The following CYB5D2 variants were observed in gnomAD, a reference collection of about 807,000 sequenced individuals.
The protein encoded by CYB5D2 is neuferricin.
Under a neutral mutation model 22.8 loss-of-function variants are expected in CYB5D2, and 23 were observed. That is an observed-to-expected ratio of 1.01 (90% CI 0.73 to 1.43). The LOEUF (loss-of-function observed/expected upper bound fraction) is 1.43. Among genes scored for constraint, CYB5D2 ranks in the 40% most tolerant of loss-of-function variants. CYB5D2 has a pLI of 0.00. For synonymous variants in CYB5D2, 170 were observed against 152.2 expected (o/e 1.12, Z -0.86); for missense variants, 373 against 357.2 (o/e 1.04, Z -0.36).
chr17:4,153,952 G>A (rs2059085262), intron 2 of CYB5D2, among the ~76,000 whole-genome samples: 2 of 152,188 alleles, frequency 1.3e-5, no homozygotes, highest in African/African-American at 4.8e-5. Flanking sequence ...CTCCCTCTTC[G>A]GTCGCACCTC....
At chr17:4,148,234 A>C (rs2059014143) in intron 1 of CYB5D2, among the ~76,000 whole-genome samples, 1 of 143,550 alleles carries the variant, frequency 7.0e-6, no homozygotes, top group Non-Finnish European at 1.5e-5. Flanking sequence ...TAGGAACTGC[A>C]GGCTGGGCAT....
chr17:4,145,118 C>CA (rs2142992706), intron 1 of CYB5D2, among the ~76,000 whole-genome samples: 1 of 152,228 alleles, frequency 6.6e-6, no homozygotes, highest in South Asian at 2.1e-4. Context: ...GTTGCCTTGC[C>CA]AGCCAGCGGG....
At chr17:4,146,133 T>C (rs1380376462) in intron 1 of CYB5D2, among the ~76,000 whole-genome samples, 1 of 152,240 alleles carries the variant, frequency 6.6e-6, no homozygotes, top group Non-Finnish European at 1.5e-5. Context: ...ACTGGTTCTT[T>C]AGCCCAGGCT....
At chr17:4,154,226 G>T (rs1018545901) in intron 2 of CYB5D2, among the ~76,000 whole-genome samples, 2 of 152,216 alleles carry the variant, frequency 1.3e-5, no homozygotes, top group Non-Finnish European at 2.9e-5. Flanking sequence ...TGGGAGGATT[G>T]CTTGAGCCCA....
intron 1 of CYB5D2, among the ~76,000 whole-genome samples, chr17:4,145,974 TTTTTTGTAGAGATGGG>T (rs2058986270): frequency 6.6e-6 from 1 of 152,194 alleles, no homozygotes; most frequent in Non-Finnish European, 1.5e-5. Flanking sequence ...AATTTTTGTA[TTTTTTGTAGAGATGGG>T]TTTTCGCCAT....
Position 4,154,551 on chromosome 17 carries a change from A to C in CYB5D2, c.392-123A>C, listed in dbSNP as rs1031711672. The C allele has an allele frequency of 7.1e-6, 8 of 1,123,186 alleles. No homozygotes were observed. The East Asian group carries it at 1.8e-4, about 25-fold the overall frequency. 69.6% of individuals were successfully genotyped at this position (1,123,186 alleles called of 1,614,324 possible). ...AGGCACCAGGAGTGCCTGCAGTAGA[A>C]GTTCTTATTAAACGCGCACCAGCAG... is the stretch of plus-strand genomic sequence containing the variant. On this transcript the variant is annotated intron_variant, in intron 2 of 3. Transcript: ENST00000301391.
chr17:4,152,100 C>T (rs912415037), intron 2 of CYB5D2, among the ~76,000 whole-genome samples: 1 of 151,762 alleles, frequency 6.6e-6, no homozygotes, highest in East Asian at 1.9e-4. Context: ...TGGAAGTGTT[C>T]GGATGCGTTT....
Position 4,143,843 on chromosome 17 carries a change from G to T in CYB5D2, c.88G>T (p.Gly30Cys). Residue 30 changes from glycine (G) to cysteine (C), a missense_variant, in exon 1 of 4, where the codon GGT becomes TGT. Transcript: ENST00000301391. ...GGCAGCACGGCTTATGGGCTGGTGG[G>T]GTCCCCGCGCTGGCTTTCGCCTTTT... ...VMAARLMGWW[G>C]PRAGFRLFIP... 1 of 1,614,132 alleles carries T rather than the reference G, an allele frequency of 6.2e-7. No homozygotes were observed. The highest frequency in any genetic ancestry group is 8.5e-7 in the Non-Finnish European group (1 of 1,180,006).
At chr17:4,144,096 C>A in intron 1 of CYB5D2, 91 bp downstream of exon 1, 1 of 1,255,468 alleles carries the variant, frequency 8.0e-7, no homozygotes, top group Non-Finnish European at 1.1e-6. Flanking sequence ...TCATCTATTT[C>A]CCCCCCCATC....
At chr17:4,152,742 G>C (rs1308419935) in intron 2 of CYB5D2, among the ~76,000 whole-genome samples, 1 of 152,178 alleles carries the variant, frequency 6.6e-6, no homozygotes, top group Non-Finnish European at 1.5e-5. Context: ...CATCTAATAA[G>C]TATTTAAAAT....
In CYB5D2 at chr17:4,143,690, C is replaced by G; in HGVS notation, c.-66C>G. 1 of 1,527,234 alleles carries G rather than the reference C, an allele frequency of 6.5e-7. No homozygotes were observed. Among genetic ancestry groups the G allele is most frequent in the South Asian group, 1.3e-5 (1 of 77,986 alleles). 94.6% of individuals were successfully genotyped at this position (1,527,234 alleles called of 1,614,324 possible). On this transcript the variant is annotated 5_prime_UTR_variant, in exon 1 of 4. Coordinates refer to ENST00000301391, the MANE Select transcript of CYB5D2 (RefSeq NM_144611.4). ...GCGCCGATGACGTCACGCTCGGCGTCTCGGCCATCTTAGCTGTAGATAGAG... is the reference window on the plus strand; with the variant it reads ...GCGCCGATGACGTCACGCTCGGCGTGTCGGCCATCTTAGCTGTAGATAGAG...
chr17:4,146,127 G>C (rs2058987990), intron 1 of CYB5D2, among the ~76,000 whole-genome samples: 1 of 151,916 alleles, frequency 6.6e-6, no homozygotes, highest in East Asian at 1.9e-4. Context: ...AGATAAACTG[G>C]TTCTTTAGCC....
rs536768201 is a variant in CYB5D2, at chr17:4,149,171, G to T, written c.251-720G>T. ...TAAGTGTTGTTGGATATACAGGTGTGAGCCTTGGGAGACATCTGAGCTAAA... is the reference window on the plus strand; with the variant it reads ...TAAGTGTTGTTGGATATACAGGTGTTAGCCTTGGGAGACATCTGAGCTAAA... On this transcript the variant is annotated intron_variant, in intron 1 of 3. Coordinates refer to ENST00000301391, the MANE Select transcript of CYB5D2 (RefSeq NM_144611.4). Among the ~76,000 whole-genome samples the T allele has an allele frequency of 2.0e-5, 3 of 152,308 alleles. No homozygotes were observed. The East Asian group carries it at 5.8e-4, about 29-fold the overall frequency.
rs748668074 is a variant in CYB5D2 at position 4,156,917 on chromosome 17, A to T, written c.630A>T (p.Pro210=). The change falls in exon 4 of 4, where the codon CCA becomes CCT. Residue 210 remains proline, a synonymous_variant. Transcript: ENST00000301391. ...WIGVPRKLYK[P]GAKEPRCVCV... is the part of the protein sequence containing the mutation. ...GCGTCCCCAGGAAGCTGTATAAGCC[A>T]GGTGCTAAGGAGCCCCGCTGCGTGT... 2 of 1,612,698 alleles carry T rather than the reference A, an allele frequency of 1.2e-6. No homozygotes were observed.
intron 1 of CYB5D2, among the ~76,000 whole-genome samples, chr17:4,145,444 G>T (rs1170211623): frequency 6.6e-6 from 1 of 152,228 alleles, no homozygotes; most frequent in African/African-American, 2.4e-5. Context: ...TTTTGTCGCT[G>T]CTAGTTGAAG....
intron 2 of CYB5D2, among the ~76,000 whole-genome samples, chr17:4,151,448 G>T (rs2059056497): frequency 6.6e-6 from 1 of 152,206 alleles, no homozygotes; most frequent in Admixed American, 6.5e-5. Flanking sequence ...ACTTTGGGAG[G>T]CCGAGGTGGG....
Position 4,157,147 on chromosome 17 carries a change from A to G in CYB5D2, c.*65A>G. 3 of 1,554,424 alleles carry G rather than the reference A, an allele frequency of 1.9e-6. No homozygotes were observed. The highest frequency in any genetic ancestry group is 2.6e-6 in the Non-Finnish European group (3 of 1,140,002). ...CCAAGCACCTGAGTAGGCCCTTGAC[A>G]CTTGTGTGCCCTGGGATGCCTCCTG... On this transcript the variant is annotated 3_prime_UTR_variant, in exon 4 of 4. Transcript: ENST00000301391. This position sits in a 1 kb window ranked among gnomAD's most constrained non-coding sequence, Gnocchi z 4.4.
In CYB5D2 at chr17:4,143,947, C is replaced by T. The variant is rs1567884192; in HGVS notation, c.192C>T (p.Tyr64=). ...GLYLALLGRV[Y]DVSSGRRHYE... ...ACTTGGCGTTGCTCGGCCGTGTCTA[C>T]GATGTGTCCTCCGGCCGGAGGCACT... Residue 64 remains tyrosine (Y), a synonymous_variant, in exon 1 of 4, where the codon TAC becomes TAT. Transcript: ENST00000301391. The T allele has an allele frequency of 6.2e-7, 1 of 1,613,330 alleles. No individual in the cohort carries two copies. The highest frequency in any genetic ancestry group is 8.5e-7 in the Non-Finnish European group (1 of 1,179,948).
At chr17:4,148,820 C>T (rs1258629970) in intron 1 of CYB5D2, among the ~76,000 whole-genome samples, 1 of 152,032 alleles carries the variant, frequency 6.6e-6, no homozygotes, top group Non-Finnish European at 1.5e-5. Context: ...AAAATTCCGT[C>T]TCATGCACAA....
Sources: gnomAD v4.1 joint callset for allele counts (sites outside exome capture counted in the v4.1 genomes callset) on GRCh38, gnomAD v4.1.1 for gene constraint, Gnocchi (gnomAD v3.1) non-coding constraint, MANE v1.5 for transcripts, NCBI Gene and HGNC (gene_info 2026-07-23, HGNC 2026-07-21) for gene names.